The following GEMIN7 variants were observed in gnomAD, a reference collection of about 807,000 sequenced individuals.
GEMIN7 encodes gem nuclear organelle associated protein 7, also known as gem-associated protein 7.
A neutral mutation model predicts 7.8 loss-of-function variants in GEMIN7; 7 were observed. The ratio of observed to expected loss-of-function variants is 0.90; its 90% confidence interval spans 0.51 to 1.69. The LOEUF is 1.69. Ranked by LOEUF, GEMIN7 falls within the 40% of genes most tolerant of loss-of-function variation. GEMIN7 has a pLI of 0.00. For missense variants in GEMIN7, 159 were observed against 176.2 expected (o/e 0.90, Z 0.55); for synonymous variants, 68 against 72.4 (o/e 0.94, Z 0.31).
intron 2 of GEMIN7, among the ~76,000 whole-genome samples, chr19:45,080,358 T>A (rs1967456842): frequency 6.6e-6 from 1 of 151,334 alleles, no homozygotes; most frequent in Non-Finnish European, 1.5e-5. Flanking sequence ...ACCCTCCAGC[T>A]TGCACCAAGG....
At position 45,090,211 on chromosome 19, in the gene GEMIN7, C is replaced by T; in HGVS notation, c.97C>T (p.Pro33Ser). The T allele has an allele frequency of 6.2e-7, 1 of 1,614,202 alleles. No individual in the cohort carries two copies. Among genetic ancestry groups the T allele is most frequent in the Non-Finnish European group, 8.5e-7 (1 of 1,180,056 alleles). ...RGFAPDGRRA[P>S]LRPEVPEIQE... Reference sequence around the variant, plus strand: ...CTTTGCCCCTGATGGACGCAGAGCCCCCTTGAGGCCAGAGGTTCCTGAAAT... The same window carrying T: ...CTTTGCCCCTGATGGACGCAGAGCCTCCTTGAGGCCAGAGGTTCCTGAAAT... The change falls in exon 3 of 3, where the codon CCC (proline) becomes TCC (serine). Residue 33 changes from proline to serine, a missense_variant. Transcript: ENST00000270257.
intron 2 of GEMIN7, among the ~76,000 whole-genome samples, chr19:45,081,563 T>C (rs1967505511): frequency 6.6e-6 from 1 of 151,734 alleles, no homozygotes; most frequent in African/African-American, 2.4e-5. Flanking sequence ...TTGGCTGCTC[T>C]TTCCCTCAAA....
chr19:45,075,933 G>A, upstream of GEMIN7: 2 of 1,598,486 alleles, frequency 1.3e-6, no homozygotes, highest in East Asian at 2.2e-5. Flanking sequence ...GAAGGAGAGG[G>A]GAAACCGAAG....
intron 2 of GEMIN7, among the ~76,000 whole-genome samples, chr19:45,080,480 A>T (rs1183599790): frequency 1.4e-5 from 2 of 148,020 alleles, no homozygotes; most frequent in Non-Finnish European, 3.0e-5. Flanking sequence ...GGTTCAAGGG[A>T]TTCTCCTGCC....
At position 45,090,479 on chromosome 19, in the gene GEMIN7, G is replaced by T. The variant is rs762460481; in HGVS notation, c.365G>T (p.Ser122Ile). Residue 122 changes from serine to isoleucine, a missense_variant, in exon 3 of 3, where the codon AGT (serine) becomes ATT (isoleucine). Ser to Ile is a moderately radical substitution (Grantham distance 142). Transcript: ENST00000270257. Reference sequence around the variant, plus strand: ...CAAGCAGAGGCGCTGCTCCGATGTAGTGACATTATTTCATATACCTTCAAG... The same window carrying T: ...CAAGCAGAGGCGCTGCTCCGATGTATTGACATTATTTCATATACCTTCAAG... ...GVQAEALLRC[S>I]DIISYTFKP The T allele has an allele frequency of 6.2e-7, 1 of 1,612,390 alleles. No individual in the cohort carries two copies. The highest frequency in any genetic ancestry group is 8.5e-7 in the Non-Finnish European group (1 of 1,178,886).
At chr19:45,084,750 T>TTTTA (rs1184283587) in intron 2 of GEMIN7, among the ~76,000 whole-genome samples, 4 of 152,126 alleles carry the variant, frequency 2.6e-5, no homozygotes, top group African/African-American at 7.2e-5. Flanking sequence ...GCCCAGCTAA[T>TTTTA]TTTATTTATT....
chr19:45,078,012 G>A (rs1026533883), upstream of GEMIN7, among the ~76,000 whole-genome samples: 7 of 151,666 alleles, frequency 4.6e-5, no homozygotes, highest in African/African-American at 1.7e-4. Context: ...TTACAGGTGT[G>A]AGACACTGCA....
intron 2 of GEMIN7, among the ~76,000 whole-genome samples, chr19:45,087,467 T>C (rs1430637674): frequency 3.5e-5 from 4 of 115,368 alleles, no homozygotes; most frequent in Non-Finnish European, 7.3e-5. Context: ...CATTGGTCTC[T>C]ATGGCAGGCA....
At position 45,090,668 on chromosome 19, in the gene GEMIN7, C is replaced by G. The variant is rs1220187160; in HGVS notation, c.*158C>G. ...TCTGGACTCCTGAGACCTCCTGGGT[C>G]TAGTCAGTAAAATTCTGCAACTCTA... On this transcript the variant is annotated 3_prime_UTR_variant, in exon 3 of 3. Coordinates refer to ENST00000270257, the MANE Select transcript of GEMIN7 (RefSeq NM_024707.3). 1.4e-5 allele frequency: 9 copies of G among 646,620 alleles called. No homozygotes were observed. The highest frequency in any genetic ancestry group is 1.8e-5 in the African/African-American group (1 of 54,456). The allele number at this position is 646,620 out of a possible 1,614,324, so 40.1% of individuals were successfully genotyped here. A position where few individuals can be genotyped will look rare whatever the true frequency, so the allele number is the denominator to read the frequency against.
chr19:45,078,556 TA>T (rs1467414796), upstream of GEMIN7, among the ~76,000 whole-genome samples: 1 of 152,184 alleles, frequency 6.6e-6, no homozygotes, highest in Non-Finnish European at 1.5e-5. Flanking sequence ...CGTTCATAGT[TA>T]AGTCAACAAA....
At chr19:45,084,396 T>A (rs888989143) in intron 2 of GEMIN7, among the ~76,000 whole-genome samples, 4 of 151,306 alleles carry the variant, frequency 2.6e-5, no homozygotes, top group Non-Finnish European at 5.9e-5. Flanking sequence ...TAATTAAAAA[T>A]TTTATTTATT....
intron 2 of GEMIN7, 94 bp from the exon 3 acceptor site, chr19:45,090,013 C>T: frequency 2.3e-6 from 3 of 1,328,930 alleles, no homozygotes; most frequent in Non-Finnish European, 3.1e-6. Context: ...AGTGGAGCTG[C>T]CTGGTAGACC....
upstream of GEMIN7, chr19:45,076,070 G>C (rs753498815): frequency 1.0e-5 from 16 of 1,581,264 alleles, no homozygotes; most frequent in Non-Finnish European, 1.4e-5. The surrounding 1 kb of genome is among the most constrained non-coding windows in gnomAD (Gnocchi z 4.9). Context: ...GGCCCGGGGT[G>C]CTCACCGGGA....
At chr19:45,076,881 G>C (rs1967366211), upstream of GEMIN7, 3 of 152,676 alleles carry the variant, frequency 2.0e-5, no homozygotes, top group Admixed American at 2.0e-4. This position sits in a 1 kb window ranked among gnomAD's most constrained non-coding sequence, Gnocchi z 4.9. Context: ...GAAGCCCTGA[G>C]AATACAGGAG....
chr19:45,079,731 T>C (rs912700444), intron 1 of GEMIN7, among the ~76,000 whole-genome samples, 176 bp from the exon 2 acceptor site: 2 of 151,684 alleles, frequency 1.3e-5, no homozygotes, highest in Non-Finnish European at 2.9e-5. Context: ...CAGGGCGGAA[T>C]TGAAAGGAAA....
intron 2 of GEMIN7, among the ~76,000 whole-genome samples, chr19:45,088,166 G>A (rs966318614): frequency 2.2e-4 from 33 of 151,792 alleles, no homozygotes; most frequent in African/African-American, 8.0e-4. Flanking sequence ...GGCTGGTCTC[G>A]AACTCCTGAC....
intron 2 of GEMIN7, among the ~76,000 whole-genome samples, chr19:45,084,232 A>G (rs1967602262): frequency 6.7e-6 from 1 of 148,692 alleles, no homozygotes; most frequent in Non-Finnish European, 1.5e-5. Context: ...AAAAAAAAAA[A>G]AGAAATTAAA....
chr19:45,075,785 T>A (rs182764152), upstream of GEMIN7: 1 of 1,614,114 alleles, frequency 6.2e-7, no homozygotes, highest in East Asian at 2.2e-5. Context: ...AAGGCAGTGA[T>A]GGCCTCCAAC....
chr19:45,086,870 T>G (rs893973895), intron 2 of GEMIN7, among the ~76,000 whole-genome samples: 5 of 152,140 alleles, frequency 3.3e-5, no homozygotes, highest in Non-Finnish European at 7.4e-5. Context: ...TTTTTCGAGA[T>G]GAGTCTTGCT....
Sources: gnomAD v4.1 joint callset for allele counts (sites outside exome capture counted in the v4.1 genomes callset) on GRCh38, gnomAD v4.1.1 for gene constraint, Gnocchi (gnomAD v3.1) non-coding constraint, MANE v1.5 for transcripts, NCBI Gene and HGNC (gene_info 2026-07-23, HGNC 2026-07-21) for gene names.